CHSY3: variants seen among roughly 807,000 people sequenced by gnomAD.
CHSY3 encodes N-acetylgalactosaminyl-proteoglycan 3-beta-glucuronosyltransferase 3.
In CHSY3, 35 loss-of-function variants were observed where a neutral mutation model predicts 67.2. The ratio of observed to expected loss-of-function variants is 0.52; its 90% CI spans 0.40 to 0.69. The LOEUF (loss-of-function observed/expected upper bound fraction) is 0.69, where lower values mean the gene tolerates loss of function less well. Among genes scored for constraint, CHSY3 ranks in the 30% least tolerant of loss-of-function variants. CHSY3 has a pLI of 0.00. For synonymous variants in CHSY3, 474 were observed against 434.7 expected (o/e 1.09, Z -1.12); for missense variants, 1,069 against 1,138.5 (o/e 0.94, Z 0.88).
At chr5:129,939,919 C>T (rs866903984) in intron 2 of CHSY3, among the ~76,000 whole-genome samples, 3 of 152,194 alleles carry the variant, frequency 2.0e-5, no homozygotes, top group African/African-American at 7.2e-5. Flanking sequence ...GGGAGATATT[C>T]CCATTCACTA....
intron 2 of CHSY3, among the ~76,000 whole-genome samples, chr5:130,143,510 T>G (rs1768939212): frequency 6.6e-6 from 1 of 151,792 alleles, no homozygotes; most frequent in Non-Finnish European, 1.5e-5. Context: ...TGTTGTTGCA[T>G]GGAGCGATGG....
In CHSY3 at chr5:130,185,027, G is replaced by A. The variant is rs145272862; in HGVS notation, c.1885G>A (p.Gly629Arg). The A allele has an allele frequency of 3.0e-4, 468 of 1,583,026 alleles. 1 individual carries two copies. Among genetic ancestry groups the A allele is most frequent in the Non-Finnish European group, 3.8e-4 (432 of 1,151,940 alleles). The change falls in exon 3 of 3, where the codon GGA becomes AGA. Residue 629 changes from glycine (G) to arginine (R), a missense_variant. Coordinates refer to ENST00000305031, the MANE Select transcript of CHSY3 (RefSeq NM_175856.5). ...KKVHILVPLI[G>R]RYDIFLRFME... ...AGTACACATTCTCGTTCCTCTCATC[G>A]GAAGGTATGACATTTTCTTGAGATT... is the stretch of plus-strand genomic sequence containing the variant.
intron 2 of CHSY3, among the ~76,000 whole-genome samples, chr5:130,065,538 G>C (rs1204421656): frequency 6.6e-6 from 1 of 152,016 alleles, no homozygotes; most frequent in East Asian, 1.9e-4. Flanking sequence ...TCTATTCTCT[G>C]GGGTAGCTTC....
intron 2 of CHSY3, among the ~76,000 whole-genome samples, chr5:130,083,299 G>A (rs1421168673): frequency 1.3e-5 from 2 of 151,932 alleles, no homozygotes; most frequent in African/African-American, 2.4e-5. Context: ...ATCTTCCTAC[G>A]TAGGTATATA....
rs144043225 is a variant in CHSY3 at position 129,957,390 on chromosome 5, G to A, written c.1086+49030G>A. Among the ~76,000 whole-genome samples, 1,438 of 151,894 alleles carry A rather than the reference G, an allele frequency of 9.5e-3. 22 individuals are homozygous for A. The highest frequency in any genetic ancestry group is 0.033 in the African/African-American group (1,348 of 41,448). On this transcript the variant is annotated intron_variant, in intron 2 of 2. Coordinates refer to ENST00000305031, the MANE Select transcript of CHSY3 (RefSeq NM_175856.5). The stretch of plus-strand genomic sequence containing the variant: ...GCCGAGACTGGGGTTTTCTAGATAT[G>A]GAATTATGTTGTCTGCAAACAGGGA...
chr5:130,163,704 A>C (rs1769633929), intron 2 of CHSY3, among the ~76,000 whole-genome samples: 1 of 152,238 alleles, frequency 6.6e-6, no homozygotes, highest in Non-Finnish European at 1.5e-5. Context: ...AAATAAACTT[A>C]ACAGTTTAAC....
At chr5:129,916,348 G>A (rs1340198411) in intron 2 of CHSY3, among the ~76,000 whole-genome samples, 1 of 152,126 alleles carries the variant, frequency 6.6e-6, no homozygotes, top group African/African-American at 2.4e-5. Context: ...ACTAGGTAAG[G>A]ACAGGATGGC....
At chr5:130,045,053 G>A (rs1444438815) in intron 2 of CHSY3, among the ~76,000 whole-genome samples, 1 of 152,154 alleles carries the variant, frequency 6.6e-6, no homozygotes, top group South Asian at 2.1e-4. Flanking sequence ...GCAGTGGCAC[G>A]AACATGGCTT....
chr5:130,125,071 G>A (rs62393179), intron 2 of CHSY3, among the ~76,000 whole-genome samples: 8,623 of 151,942 alleles, frequency 0.057, 348 homozygotes, highest in Non-Finnish European at 0.081. Context: ...GCTTGAGCTC[G>A]GGAGTTCTCG....
chr5:129,983,227 T>C (rs1191156795), intron 2 of CHSY3, among the ~76,000 whole-genome samples: 5 of 152,112 alleles, frequency 3.3e-5, no homozygotes, highest in African/African-American at 4.8e-5. Flanking sequence ...AATAACTATT[T>C]CTAGAATAGG....
At chr5:129,955,223 A>G (rs1762137940) in intron 2 of CHSY3, among the ~76,000 whole-genome samples, 1 of 151,938 alleles carries the variant, frequency 6.6e-6, no homozygotes, top group Non-Finnish European at 1.5e-5. Flanking sequence ...ACTTTTATTT[A>G]CACAGATTTT....
At chr5:130,120,935 C>T (rs1767996187) in intron 2 of CHSY3, among the ~76,000 whole-genome samples, 1 of 152,150 alleles carries the variant, frequency 6.6e-6, no homozygotes, top group Non-Finnish European at 1.5e-5. Context: ...AGAAGAGACT[C>T]CTTTTTCTAA....
chr5:129,967,919 A>T (rs1285537796), intron 2 of CHSY3, among the ~76,000 whole-genome samples: 1 of 151,752 alleles, frequency 6.6e-6, no homozygotes, highest in Non-Finnish European at 1.5e-5. Context: ...ACTTGCATGA[A>T]TTTTTGGTTG....
intron 2 of CHSY3, among the ~76,000 whole-genome samples, chr5:129,911,900 C>CA (rs1395193561): frequency 6.6e-6 from 1 of 151,890 alleles, no homozygotes; most frequent in African/African-American, 2.4e-5. Flanking sequence ...ACTAAAAATA[C>CA]AAAAAATTAG....
intron 2 of CHSY3, among the ~76,000 whole-genome samples, chr5:130,112,121 C>T (rs1476735043): frequency 6.6e-6 from 1 of 152,012 alleles, no homozygotes; most frequent in East Asian, 1.9e-4. Flanking sequence ...TTTGGAAAAT[C>T]ATCACTTCAA....
Position 129,991,189 on chromosome 5 carries a change from G to T in CHSY3, c.1086+82829G>T, listed in dbSNP as rs573350279. ...CATAACTGAATTTATCCTTGAGGAA[G>T]AATGATCTAGTGGCAAGGTGGGGAA... is the stretch of plus-strand genomic sequence containing the variant. On this transcript the variant is annotated intron_variant, in intron 2 of 2. Transcript: ENST00000305031. Among the ~76,000 whole-genome samples, 3 of 152,264 alleles carry T rather than the reference G, an allele frequency of 2.0e-5. No individual in the cohort carries two copies. In the East Asian group the frequency reaches 5.8e-4, roughly 29 times the overall value.
intron 2 of CHSY3, among the ~76,000 whole-genome samples, chr5:130,066,339 C>G (rs1237309119): frequency 6.6e-6 from 1 of 152,004 alleles, no homozygotes; most frequent in Non-Finnish European, 1.5e-5. Flanking sequence ...TCCAGAGAGG[C>G]CACTGAGAAA....
At chr5:129,923,649 T>G (rs1347383454) in intron 2 of CHSY3, among the ~76,000 whole-genome samples, 2 of 152,184 alleles carry the variant, frequency 1.3e-5, no homozygotes. Context: ...GAAGCTTTTC[T>G]GCAGGAAAGA....
At chr5:129,978,665 T>A (rs1278383295) in intron 2 of CHSY3, among the ~76,000 whole-genome samples, 1 of 152,168 alleles carries the variant, frequency 6.6e-6, no homozygotes. Context: ...GTTGATGGAA[T>A]GTGTCACTGA....
Sources: allele counts gnomAD v4.1 joint callset (sites outside exome capture counted in the v4.1 genomes callset), GRCh38; gene constraint gnomAD v4.1.1; transcripts MANE v1.5; gene names NCBI Gene and HGNC (gene_info 2026-07-23, HGNC 2026-07-21).